Variants in SH3RF3 observed in about 807,000 individuals in gnomAD.
SH3RF3 encodes SH3 domain containing ring finger 3.
A neutral mutation model predicts 66.3 loss-of-function variants in SH3RF3; 29 were observed. The observed-to-expected ratio is 0.44, with a 90% CI of 0.33 to 0.60. The LOEUF (loss-of-function observed/expected upper bound fraction) is 0.60. Ranked by LOEUF, SH3RF3 falls within the 20% of genes least tolerant of loss-of-function variation. SH3RF3 has a pLI of 0.04. For synonymous variants in SH3RF3, 583 were observed against 532.0 expected, an observed-to-expected ratio of 1.10 and a Z score of -1.32; for missense variants, 1,194 against 1,190.9, an observed-to-expected ratio of 1.00 and a Z score of -0.04.
At chr2:109,135,988 T>C (rs906396828) in intron 1 of SH3RF3, among the ~76,000 whole-genome samples, 1 of 152,194 alleles carries the variant, frequency 6.6e-6, no homozygotes, top group Admixed American at 6.5e-5. Flanking sequence ...CCCACCTCCG[T>C]CATCCGTAGG....
intron 2 of SH3RF3, among the ~76,000 whole-genome samples, chr2:109,357,061 T>A (rs949185016): frequency 2.0e-4 from 30 of 151,052 alleles, no homozygotes; most frequent in Admixed American, 1.3e-3. Flanking sequence ...CTTTTTAAAA[T>A]TTTTTTTTAT....
chr2:109,370,302 C>G (rs1439660149), intron 2 of SH3RF3, among the ~76,000 whole-genome samples: 1 of 151,488 alleles, frequency 6.6e-6, no homozygotes, highest in African/African-American at 2.4e-5. Flanking sequence ...TGCAGAGGTA[C>G]GATCTCGGCT....
chr2:109,283,545 G>A (rs780595890), intron 1 of SH3RF3, among the ~76,000 whole-genome samples: 5 of 152,128 alleles, frequency 3.3e-5, no homozygotes, highest in East Asian at 1.9e-4. Context: ...ACCCAGGGCC[G>A]AGGTAAGATC....
intron 3 of SH3RF3, among the ~76,000 whole-genome samples, chr2:109,387,251 A>C (rs1675846719): frequency 6.6e-6 from 1 of 152,198 alleles, no homozygotes; most frequent in South Asian, 2.1e-4. Flanking sequence ...ACATGATTGC[A>C]GTAGCTTCCA....
chr2:109,454,758 C>T (rs757984533), intron 8 of SH3RF3, among the ~76,000 whole-genome samples: 9 of 152,066 alleles, frequency 5.9e-5, no homozygotes, highest in African/African-American at 9.7e-5. Flanking sequence ...TTGCTGTGTG[C>T]GAGTCCTGAC....
chr2:109,189,037 A>T (rs970585075), intron 1 of SH3RF3, among the ~76,000 whole-genome samples: 4 of 150,734 alleles, frequency 2.7e-5, no homozygotes, highest in African/African-American at 9.8e-5. Flanking sequence ...AGCCCCTTCC[A>T]CCCTCCCATA....
In SH3RF3 at chr2:109,398,651, G is replaced by A. The variant is rs1469757126; in HGVS notation, c.1007G>A (p.Ser336Asn). 1 of 1,604,162 alleles carries A rather than the reference G, an allele frequency of 6.2e-7. No homozygotes were observed. Among genetic ancestry groups the A allele is most frequent in the Non-Finnish European group, 8.5e-7 (1 of 1,175,894 alleles). ...MDKPCPAAAS[S>N]CNASLPSDSG... The stretch of plus-strand genomic sequence containing the variant: ...AAGCCATGCCCAGCCGCTGCATCCA[G>A]CTGCAATGCCTCCCTGCCCTCTGAC... Residue 336 changes from serine (S) to asparagine (N), a missense_variant, in exon 4 of 10, where the codon AGC becomes AAC. Coordinates refer to ENST00000309415, the MANE Select transcript of SH3RF3 (RefSeq NM_001099289.3).
intron 1 of SH3RF3, among the ~76,000 whole-genome samples, chr2:109,342,066 T>C (rs1460180559): frequency 6.6e-6 from 1 of 152,222 alleles, no homozygotes; most frequent in Non-Finnish European, 1.5e-5. Flanking sequence ...CTGACACTTT[T>C]CTGCTGGCCA....
intron 1 of SH3RF3, among the ~76,000 whole-genome samples, chr2:109,297,083 G>T (rs1226363653): frequency 6.6e-6 from 1 of 152,064 alleles, no homozygotes; most frequent in Non-Finnish European, 1.5e-5. Context: ...GTCCAGGTGG[G>T]GGGTGACCGG....
chr2:109,406,826 T>C lies in SH3RF3; in HGVS notation c.1299+7883T>C, dbSNP rs143659315. ...AGTGCAGAGGCTACATGGAAGCCTCTGCTCATGCGCATTTCAGTGGTCGAA... is the reference window on the plus strand; with the variant it reads ...AGTGCAGAGGCTACATGGAAGCCTCCGCTCATGCGCATTTCAGTGGTCGAA... On this transcript the variant is annotated intron_variant, in intron 4 of 9. Transcript: ENST00000309415. 7.2e-3 allele frequency among the ~76,000 whole-genome samples: 1,103 copies of C among 152,290 alleles called. 8 individuals are homozygous for C. The highest frequency in any genetic ancestry group is 0.044 in the East Asian group (227 of 5,168).
chr2:109,425,678 T>C (rs1237062290), intron 5 of SH3RF3, among the ~76,000 whole-genome samples: 1 of 148,026 alleles, frequency 6.8e-6, no homozygotes, highest in Admixed American at 6.8e-5. Flanking sequence ...TGTAAGTCCA[T>C]TGTCAAGACC....
intron 8 of SH3RF3, among the ~76,000 whole-genome samples, chr2:109,483,689 A>G (rs1201842000): frequency 6.6e-6 from 1 of 152,252 alleles, no homozygotes; most frequent in East Asian, 1.9e-4. Context: ...GTCCCTGGCC[A>G]TGCAGGCACA....
chr2:109,451,896 C>T (rs910803537), intron 8 of SH3RF3, among the ~76,000 whole-genome samples: 30 of 152,346 alleles, frequency 2.0e-4, no homozygotes, highest in African/African-American at 7.0e-4. Flanking sequence ...GAGCAGTCCA[C>T]GCTGCACTCC....
chr2:109,352,834 C>A (rs13418725), intron 2 of SH3RF3, among the ~76,000 whole-genome samples: 38,396 of 152,214 alleles, frequency 0.25, 5,211 homozygotes, highest in East Asian at 0.58. Context: ...CTACAGACCA[C>A]CCTCGCCCAG....
chr2:109,192,749 A>G (rs1014468030), intron 1 of SH3RF3, among the ~76,000 whole-genome samples: 1 of 152,364 alleles, frequency 6.6e-6, no homozygotes, highest in Middle Eastern at 3.4e-3. Flanking sequence ...TGGGGCTTCC[A>G]GTGCAGCCAC....
intron 1 of SH3RF3, among the ~76,000 whole-genome samples, chr2:109,338,450 G>C (rs1005355729): frequency 6.6e-6 from 1 of 150,820 alleles, no homozygotes; most frequent in Non-Finnish European, 1.5e-5. Context: ...TTTTTTACAT[G>C]CTCACAGATA....
At chr2:109,198,628 C>T (rs1215923818) in intron 1 of SH3RF3, among the ~76,000 whole-genome samples, 2 of 152,176 alleles carry the variant, frequency 1.3e-5, no homozygotes, top group Non-Finnish European at 2.9e-5. Context: ...GGCTGTCTCC[C>T]TGGTTTGTAG....
At chr2:109,140,201 G>A (rs1001157129) in intron 1 of SH3RF3, among the ~76,000 whole-genome samples, 1 of 152,184 alleles carries the variant, frequency 6.6e-6, no homozygotes, top group East Asian at 1.9e-4. Flanking sequence ...CATATGGGTC[G>A]ATTGATGCAC....
rs183370798 is a variant in SH3RF3 at position 109,319,580 on chromosome 2, T to G, written c.574-28094T>G. ...GGGCTGAAAACAAGCCCAGTGGGGC[T>G]CGTTCCAGAACAGAAAGCCCCACAC... On this transcript the variant is annotated intron_variant, in intron 1 of 9. Transcript: ENST00000309415. Among the ~76,000 whole-genome samples the G allele has an allele frequency of 8.4e-3, 1,273 of 152,356 alleles. 14 individuals are homozygous for G. The highest frequency in any genetic ancestry group is 0.044 in the East Asian group (227 of 5,174).
Sources: allele counts gnomAD v4.1 joint callset (sites outside exome capture counted in the v4.1 genomes callset), GRCh38; gene constraint gnomAD v4.1.1; transcripts MANE v1.5; gene names NCBI Gene and HGNC (gene_info 2026-07-23, HGNC 2026-07-21).